The following DISC1 variants were observed in gnomAD, a reference collection of about 807,000 sequenced individuals.
The protein encoded by DISC1 is disrupted in schizophrenia 1 protein.
Under a neutral mutation model 84.5 loss-of-function variants are expected in DISC1, and 57 were observed. The ratio of observed to expected loss-of-function variants is 0.67; its 90% confidence interval spans 0.55 to 0.84. The LOEUF (loss-of-function observed/expected upper bound fraction) is 0.84. Among genes scored for constraint, DISC1 ranks in the 40% least tolerant of loss-of-function variants. The pLI is 0.00. For synonymous variants in DISC1, 411 were observed against 415.2 expected (o/e 0.99, Z 0.12); for missense variants, 1,000 against 1,057.8 (o/e 0.95, Z 0.76).
Position 231,693,948 on chromosome 1 carries a change from C to T in DISC1, c.190C>T (p.Leu64=), listed in dbSNP as rs1186941867. Residue 64 remains leucine (L), a synonymous_variant, in exon 2 of 13, where the codon CTG becomes TTG. Coordinates refer to ENST00000439617, the MANE Select transcript of DISC1 (RefSeq NM_018662.3). ...IGFLSPAVGT[L]FRFPGGVSGE... is the part of the protein sequence containing the mutation. ...GTTCCTTTCCCCAGCAGTGGGCACA[C>T]TGTTCCGGTTCCCAGGAGGGGTGTC... is the stretch of plus-strand genomic sequence containing the variant. 5 of 1,614,048 alleles carry T rather than the reference C, an allele frequency of 3.1e-6. No homozygotes were observed. The highest frequency in any genetic ancestry group is 1.1e-5 in the South Asian group (1 of 91,086).
intron 1 of DISC1, chr1:231,684,794 T>G (rs1228729817): frequency 6.6e-6 from 1 of 152,156 alleles, no homozygotes; most frequent in African/African-American, 2.4e-5. Context: ...TGTAAGGAAG[T>G]AGCGTTTGTG....
Position 231,694,004 on chromosome 1 carries a change from G to A in DISC1, c.246G>A (p.Arg82=), listed in dbSNP as rs1238522092. The A allele has an allele frequency of 1.2e-6, 2 of 1,614,124 alleles. No homozygotes were observed. Among genetic ancestry groups the A allele is most frequent in the Admixed American group, 1.7e-5 (1 of 60,024 alleles). Residue 82 remains arginine (R), a synonymous_variant, in exon 2 of 13, where the codon AGG becomes AGA. Transcript: ENST00000439617. The part of the protein sequence containing the change: ...SGEESHHSES[R]ARQCGLDSRG... ...AGGAGTCCCACCACTCGGAGTCCAG[G>A]GCCAGACAGTGTGGCCTTGACTCGA...
At chr1:231,763,191 T>C (rs1463232422) in intron 4 of DISC1, among the ~76,000 whole-genome samples, 2 of 152,144 alleles carry the variant, frequency 1.3e-5, no homozygotes, top group Non-Finnish European at 2.9e-5. Context: ...CTGATCCGCA[T>C]TGACTCCTAA....
In DISC1 at chr1:231,668,562, A is replaced by G. The variant is rs141902318; in HGVS notation, c.68-25264A>G. 3.5e-3 allele frequency among the ~76,000 whole-genome samples: 530 copies of G among 152,260 alleles called. 2 individuals are homozygous for G. The highest frequency in any genetic ancestry group is 5.4e-3 in the Non-Finnish European group (367 of 68,020). On this transcript the variant is annotated intron_variant, in intron 1 of 12. Coordinates refer to ENST00000439617, the MANE Select transcript of DISC1 (RefSeq NM_018662.3). Reference sequence around the variant, plus strand: ...TGACTCACGTTCTCCTGCTAAGGTGAAAGTCTCAATTTGCTGCTAGTGCAT... The same window carrying G: ...TGACTCACGTTCTCCTGCTAAGGTGGAAGTCTCAATTTGCTGCTAGTGCAT...
At chr1:231,770,611 A>T (rs2076484461) in intron 5 of DISC1, among the ~76,000 whole-genome samples, 1 of 152,178 alleles carries the variant, frequency 6.6e-6, no homozygotes, top group Non-Finnish European at 1.5e-5. Context: ...ATAGTTATTT[A>T]ATGCTTGGGA....
intron 9 of DISC1, among the ~76,000 whole-genome samples, chr1:231,821,875 T>A (rs80282467): frequency 6.6e-6 from 1 of 151,848 alleles, no homozygotes; most frequent in African/African-American, 2.4e-5. Flanking sequence ...ATTTTTATAT[T>A]TTTTTAGTAG....
rs58636016 is a variant in DISC1 at position 231,868,692 on chromosome 1, T to TTATATA, written c.1981+50213_1981+50218dup. Among the ~76,000 whole-genome samples, 418 of 108,756 alleles carry TTATATA rather than the reference T, an allele frequency of 3.8e-3. 4 individuals carry two copies. Among genetic ancestry groups the TTATATA allele is most frequent in the Middle Eastern group, 0.015 (3 of 200 alleles). 71.3% of individuals were successfully genotyped at this position (108,756 alleles called of 152,430 possible). ...GGGCAACATAGCAAGACCCCATCTCTTATATATATATATATATATATATAT... is the reference window on the plus strand; with the variant it reads ...GGGCAACATAGCAAGACCCCATCTCTTATATATATATATATATATATATATATATAT... On this transcript the variant is annotated intron_variant, in intron 9 of 12. Transcript: ENST00000439617.
chr1:231,649,670 C>T (rs1426212949), intron 1 of DISC1, among the ~76,000 whole-genome samples: 2 of 152,120 alleles, frequency 1.3e-5, no homozygotes, highest in African/African-American at 4.8e-5. Context: ...AAAAGTCTCC[C>T]ATTATTATTG....
At chr1:231,858,560 A>G (rs1378942065) in intron 9 of DISC1, among the ~76,000 whole-genome samples, 1 of 150,796 alleles carries the variant, frequency 6.6e-6, no homozygotes, top group African/African-American at 2.4e-5. Flanking sequence ...CTGTCTCCCT[A>G]CTCTTTCTCA....
rs182809071 is a variant in DISC1, at chr1:231,908,674, C to T, written c.1982-50154C>T. On this transcript the variant is annotated intron_variant, in intron 9 of 12. Coordinates refer to ENST00000439617, the MANE Select transcript of DISC1 (RefSeq NM_018662.3). ...GTGGGCTCCTTTTTGGTTCCATATG[C>T]ACTTTAAAGTAGTTTTTTCCAGTTC... Among the ~76,000 whole-genome samples, 347 of 152,252 alleles carry T rather than the reference C, an allele frequency of 2.3e-3. 2 individuals are homozygous for T. The highest frequency in any genetic ancestry group is 8.0e-3 in the African/African-American group (331 of 41,550).
In DISC1 at chr1:231,626,939, G is replaced by C. The variant is rs1465357302; in HGVS notation, c.67+5G>C. On this transcript the variant is annotated splice_donor_5th_base_variant and intron_variant, in intron 1 of 12. Transcript: ENST00000439617. Reference sequence around the variant, plus strand: ...GCGGCGTGAGCCACCGCGCAGGTAGGGGAGCTGCCACAGAGTCCTAGCACG... The same window carrying C: ...GCGGCGTGAGCCACCGCGCAGGTAGCGGAGCTGCCACAGAGTCCTAGCACG... 6.6e-7 allele frequency: 1 copy of C among 1,503,912 alleles called. No homozygotes were observed. The highest frequency in any genetic ancestry group is 1.4e-5 in the African/African-American group (1 of 68,970). 93.2% of individuals were successfully genotyped at this position (1,503,912 alleles called of 1,614,324 possible).
intron 4 of DISC1, 161 bp downstream of exon 4, chr1:231,750,237 GAGAGATGGCCCATGTGGGT>G (rs912752429): frequency 3.4e-5 from 49 of 1,434,240 alleles, no homozygotes; most frequent in Middle Eastern, 5.2e-4. Context: ...CTTCCAGAGT[GAGAGATGGCCCATGTGGGT>G]CATGCATCTC....
chr1:231,919,986 T>C (rs770780316), intron 9 of DISC1, among the ~76,000 whole-genome samples: 2 of 152,188 alleles, frequency 1.3e-5, no homozygotes, highest in African/African-American at 4.8e-5. Flanking sequence ...CTTGACACTA[T>C]TGACGTTTTA....
chr1:231,855,049 A>G (rs565254523), intron 9 of DISC1: 4 of 998,560 alleles, frequency 4.0e-6, no homozygotes, highest in East Asian at 1.1e-4. Context: ...GGAAATATCA[A>G]ATGAAAAATA....
At chr1:231,912,232 G>A (rs896386803) in intron 9 of DISC1, among the ~76,000 whole-genome samples, 4 of 152,182 alleles carry the variant, frequency 2.6e-5, no homozygotes, top group Admixed American at 1.3e-4. Flanking sequence ...AAGGAGCTGT[G>A]TTCCTTTGGA....
At chr1:231,720,861 A>C (rs2069575073) in intron 3 of DISC1, 2 of 1,290,932 alleles carry the variant, frequency 1.5e-6, no homozygotes. Context: ...TGTTGGAGGA[A>C]GTTGCTACCA....
intron 1 of DISC1, among the ~76,000 whole-genome samples, chr1:231,671,629 G>T (rs1480391288): frequency 6.6e-6 from 1 of 152,102 alleles, no homozygotes; most frequent in African/African-American, 2.4e-5. Flanking sequence ...AGGTTGTATT[G>T]GTTTTAGTAT....
chr1:232,026,762 CTTTTTTTT>C (rs545455868), intron 12 of DISC1, among the ~76,000 whole-genome samples: 6 of 110,870 alleles, frequency 5.4e-5, no homozygotes, highest in Non-Finnish European at 1.1e-4. Flanking sequence ...TTTCTTTTTT[CTTTTTTTT>C]TTTTTTTTTT....
intron 11 of DISC1, among the ~76,000 whole-genome samples, chr1:232,024,571 C>T (rs929054564): frequency 2.6e-5 from 4 of 151,816 alleles, no homozygotes; most frequent in Admixed American, 1.3e-4. Context: ...AAGATGAATA[C>T]GTATCTTAAT....
Sources: allele counts gnomAD v4.1 joint callset (sites outside exome capture counted in the v4.1 genomes callset), GRCh38; gene constraint gnomAD v4.1.1; transcripts MANE v1.5; gene names NCBI Gene and HGNC (gene_info 2026-07-23, HGNC 2026-07-21).